Variants in COL12A1 observed in about 807,000 individuals in gnomAD.
COL12A1 encodes collagen alpha-1(XII) chain.
A neutral mutation model predicts 349.7 loss-of-function variants in COL12A1; 114 were observed. That is an observed-to-expected ratio of 0.33 (90% CI 0.28 to 0.38). The LOEUF is 0.38. COL12A1 is among the 10% of genes least tolerant of loss of function. The pLI, the probability that COL12A1 is intolerant of heterozygous loss-of-function variation, is 1.00. For synonymous variants in COL12A1, 1,369 were observed against 1,329.0 expected, an observed-to-expected ratio of 1.03 and a Z score of -0.66; for missense variants, 3,284 against 3,756.9, an observed-to-expected ratio of 0.87 and a Z score of 3.29.
In COL12A1 at chr6:75,089,146, A is replaced by G. The variant is rs190501064; in HGVS notation, c.8970T>C (p.Gly2990=). The G allele has an allele frequency of 2.6e-4, 416 of 1,610,822 alleles. 1 individual carries two copies. In the African/African-American group the frequency reaches 5.1e-3, roughly 20 times the overall value. The change falls in exon 64 of 66, where the codon GGT becomes GGC. Residue 2990 remains glycine, a synonymous_variant. Coordinates refer to ENST00000322507, the MANE Select transcript of COL12A1 (RefSeq NM_004370.6). ...RGLPGEKGER[G]TGSSGPRGLP... Reference sequence around the variant, plus strand: ...GCCCCCGAGGTCCTGAAGATCCAGTACCCCTTTCACCTTTCTCTCCTGGCA... The same window carrying G: ...GCCCCCGAGGTCCTGAAGATCCAGTGCCCCTTTCACCTTTCTCTCCTGGCA...
chr6:75,159,627 G>A (rs1582152317), intron 14 of COL12A1, among the ~76,000 whole-genome samples: 1 of 151,636 alleles, frequency 6.6e-6, no homozygotes, highest in East Asian at 1.9e-4. Flanking sequence ...TCTAGAAGGG[G>A]TTGTGCTACA....
chr6:75,154,659 G>GT, intron 16 of COL12A1, 122 bp from the exon 17 acceptor site: 4 of 958,372 alleles, frequency 4.2e-6, no homozygotes, highest in Non-Finnish European at 5.8e-6. Context: ...AGAGTTTATA[G>GT]TGTACAACAT....
intron 56 of COL12A1, 33 bp downstream of exon 56, chr6:75,102,564 C>T (rs749587742): frequency 2.1e-6 from 3 of 1,407,760 alleles, no homozygotes; most frequent in South Asian, 1.5e-5. Context: ...TTATCCACCA[C>T]TCTCATTTAA....
At chr6:75,192,386 C>A in intron 3 of COL12A1, 31 bp from the exon 4 acceptor site, 1 of 1,591,934 alleles carries the variant, frequency 6.3e-7, no homozygotes, top group Non-Finnish European at 8.6e-7. Flanking sequence ...AATATGAATG[C>A]AACAAAACAT....
chr6:75,178,742 T>C (rs957191115), intron 11 of COL12A1, among the ~76,000 whole-genome samples: 4 of 152,142 alleles, frequency 2.6e-5, no homozygotes, highest in African/African-American at 9.7e-5. Context: ...ACAACACGCC[T>C]GGCAAATAAC....
rs117460898 is a variant in COL12A1 at position 75,111,105 on chromosome 6, G to A, written c.7951-1938C>T. ...TCATTTCACAATGTATGTGTATATC[G>A]GAACATCTCATTATACAGCTGAAGT... On this transcript the variant is annotated intron_variant, in intron 51 of 65. Coordinates refer to ENST00000322507, the MANE Select transcript of COL12A1 (RefSeq NM_004370.6). Among the ~76,000 whole-genome samples, 153 of 151,826 alleles carry A rather than the reference G, an allele frequency of 1.0e-3. 2 individuals carry two copies. In the East Asian group the frequency reaches 0.027, roughly 27 times the overall value.
intron 17 of COL12A1, among the ~76,000 whole-genome samples, 170 bp downstream of exon 17, chr6:75,154,246 C>A (rs1196747826): frequency 6.6e-6 from 1 of 151,832 alleles, no homozygotes; most frequent in Admixed American, 6.6e-5. Flanking sequence ...TGTCAAAAAG[C>A]ATGCTTGACT....
chr6:75,101,797 T>A, intron 57 of COL12A1, 144 bp from the exon 58 acceptor site: 1 of 1,006,380 alleles, frequency 9.9e-7, no homozygotes, highest in Non-Finnish European at 1.5e-6. Flanking sequence ...TTGCCAAGCA[T>A]ACAGTAGATG....
Position 75,091,330 on chromosome 6 carries a change from C to T in COL12A1, c.8745G>A (p.Leu2915=), listed in dbSNP as rs749317169. The T allele has an allele frequency of 2.2e-5, 36 of 1,612,740 alleles. No homozygotes were observed. The highest frequency in any genetic ancestry group is 9.3e-6 in the Non-Finnish European group (11 of 1,179,740). Reference sequence around the variant, plus strand: ...AAAGAAAAGAAATTTTACCACTTATCAATTGTTCACAGACTTGTCTTGCAA... The same window carrying T: ...AAAGAAAAGAAATTTTACCACTTATTAATTGTTCACAGACTTGTCTTGCAA... ...RAVARQVCEQ[L]ISGQMNRFNQ... The change falls in exon 62 of 66, where the codon TTG becomes TTA. Residue 2915 remains leucine (L), a synonymous_variant. Coordinates refer to ENST00000322507, the MANE Select transcript of COL12A1 (RefSeq NM_004370.6).
chr6:75,111,761 G>A (rs1050177313), intron 51 of COL12A1, among the ~76,000 whole-genome samples: 4 of 151,684 alleles, frequency 2.6e-5, no homozygotes, highest in African/African-American at 9.7e-5. Flanking sequence ...ACTTCACTAT[G>A]GAGGTCTGTA....
At chr6:75,120,735 A>G (rs1376585528) in intron 44 of COL12A1, among the ~76,000 whole-genome samples, 2 of 152,238 alleles carry the variant, frequency 1.3e-5, no homozygotes, top group Admixed American at 1.3e-4. Context: ...TCATGGAAAT[A>G]TAAACTTCTC....
At chr6:75,154,700 T>G (rs1056595759) in intron 16 of COL12A1, among the ~76,000 whole-genome samples, 163 bp from the exon 17 acceptor site, 1 of 152,164 alleles carries the variant, frequency 6.6e-6, no homozygotes, top group African/African-American at 2.4e-5. Context: ...TTCCGCCTCT[T>G]TCTCACTTAC....
At chr6:75,174,760 C>T (rs1217476719) in intron 13 of COL12A1, among the ~76,000 whole-genome samples, 1 of 152,172 alleles carries the variant, frequency 6.6e-6, no homozygotes, top group Non-Finnish European at 1.5e-5. Flanking sequence ...ACCTATTCTC[C>T]TTTCAACCAA....
intron 49 of COL12A1, among the ~76,000 whole-genome samples, chr6:75,114,842 A>G (rs530832429): frequency 6.6e-6 from 1 of 152,174 alleles, no homozygotes; most frequent in Admixed American, 6.6e-5. Flanking sequence ...AATTGTATTT[A>G]TGTTTCTTTC....
chr6:75,109,309 C>A, intron 51 of COL12A1, 142 bp from the exon 52 acceptor site: 2 of 588,580 alleles, frequency 3.4e-6, no homozygotes, highest in Non-Finnish European at 5.6e-6. Flanking sequence ...AATCCAAGAG[C>A]AGTTGGCAAT....
intron 24 of COL12A1, 45 bp from the exon 25 acceptor site, chr6:75,145,500 C>T (rs1767133791): frequency 6.3e-7 from 1 of 1,586,552 alleles, no homozygotes; most frequent in Admixed American, 1.7e-5. Flanking sequence ...TCAAATCAAA[C>T]TTTTCCATTT....
chr6:75,092,197 G>A (rs902285626), intron 60 of COL12A1, among the ~76,000 whole-genome samples: 1 of 152,066 alleles, frequency 6.6e-6, no homozygotes, highest in Non-Finnish European at 1.5e-5. Flanking sequence ...GCCTGTTGGG[G>A]GGTCAGGGGC....
intron 14 of COL12A1, among the ~76,000 whole-genome samples, chr6:75,163,604 A>G (rs950547753): frequency 6.6e-6 from 1 of 152,170 alleles, no homozygotes; most frequent in Non-Finnish European, 1.5e-5. Context: ...TGGCACGTGT[A>G]TACCTATGTA....
chr6:75,149,266 T>C (rs915362131), intron 21 of COL12A1, among the ~76,000 whole-genome samples: 2 of 152,156 alleles, frequency 1.3e-5, no homozygotes, highest in East Asian at 1.9e-4. Context: ...TCCCTATCAC[T>C]ATTGGCACCA....
Sources: allele counts gnomAD v4.1 joint callset (sites outside exome capture counted in the v4.1 genomes callset), GRCh38; gene constraint gnomAD v4.1.1; transcripts MANE v1.5; gene names NCBI Gene and HGNC (gene_info 2026-07-23, HGNC 2026-07-21).